The following DDHD1 variants were observed in gnomAD, a reference collection of about 807,000 sequenced individuals.
DDHD1 encodes the protein DDHD domain containing 1, also known as phospholipase DDHD1.
A neutral mutation model predicts 96.4 loss-of-function variants in DDHD1; 49 were observed. That is an observed-to-expected ratio of 0.51 (90% CI 0.40 to 0.64). The LOEUF is 0.64. DDHD1 is among the 30% of genes least tolerant of loss of function. DDHD1 has a pLI of 0.00. For synonymous variants in DDHD1, 442 were observed against 446.5 expected, an observed-to-expected ratio of 0.99 and a Z score of 0.13; for missense variants, 1,106 against 1,161.2, an observed-to-expected ratio of 0.95 and a Z score of 0.69.
At chr14:53,130,874 T>C (rs187717908) in intron 1 of DDHD1, among the ~76,000 whole-genome samples, 42 of 152,346 alleles carry the variant, frequency 2.8e-4, no homozygotes, top group Non-Finnish European at 8.8e-5. Flanking sequence ...AATCTGACGC[T>C]GCCTGATCTC....
rs1415743111 is a variant in DDHD1, at chr14:53,093,223, T to C, written c.1141+93A>G. 8.2e-6 allele frequency: 11 copies of C among 1,337,964 alleles called. No homozygotes were observed. In the South Asian group the frequency reaches 1.2e-4, roughly 14 times the overall value. The allele number at this position is 1,337,964 out of a possible 1,614,324, so 82.9% of individuals were successfully genotyped here. A position where few individuals can be genotyped will look rare whatever the true frequency, so the allele number is the denominator to read the frequency against. On this transcript the variant is annotated intron_variant, in intron 3 of 12. Transcript: ENST00000673822. ...CACTAAATTTAATATACTTAAAACATACTAAAAACAGAATATGAATTGTCT... is the reference window on the plus strand; with the variant it reads ...CACTAAATTTAATATACTTAAAACACACTAAAAACAGAATATGAATTGTCT...
intron 1 of DDHD1, among the ~76,000 whole-genome samples, chr14:53,135,819 A>G (rs1389927853): frequency 6.6e-6 from 1 of 152,248 alleles, no homozygotes; most frequent in Non-Finnish European, 1.5e-5. Flanking sequence ...CAGACAAAAT[A>G]TATGTAACAA....
intron 1 of DDHD1, among the ~76,000 whole-genome samples, chr14:53,112,776 T>G (rs1349334178): frequency 1.3e-5 from 2 of 152,166 alleles, no homozygotes; most frequent in Non-Finnish European, 2.9e-5. Context: ...GCCTACACAT[T>G]CTTTATTATT....
At chr14:53,135,024 T>C (rs1191001293) in intron 1 of DDHD1, among the ~76,000 whole-genome samples, 1 of 152,126 alleles carries the variant, frequency 6.6e-6, no homozygotes, top group African/African-American at 2.4e-5. Context: ...TGAGAAACAT[T>C]GCCCATGATC....
Position 53,040,852 on chromosome 14 carries a change from G to C in DDHD1, c.*5916C>G, listed in dbSNP as rs1455738860. The C allele has an allele frequency of 6.6e-6, 1 of 152,094 alleles. No homozygotes were observed. Among genetic ancestry groups the C allele is most frequent in the African/African-American group, 2.4e-5 (1 of 41,426 alleles). The allele number at this position is 152,094 out of a possible 1,614,324, so 9.4% of individuals were successfully genotyped here. ...AGAGAGTGAACATAAGAAGTCATAG[G>C]AGCTGAAAGAAAGGAAACAAGGGTC... On this transcript the variant is annotated 3_prime_UTR_variant, in exon 13 of 13. Coordinates refer to ENST00000673822, the MANE Select transcript of DDHD1 (RefSeq NM_001160148.2).
intron 4 of DDHD1, 150 bp from the exon 5 acceptor site, chr14:53,073,997 A>C: frequency 1.6e-6 from 1 of 607,390 alleles, no homozygotes; most frequent in Non-Finnish European, 2.7e-6. Flanking sequence ...CACACTAAAC[A>C]AGTCTGCAAT....
At chr14:53,113,923 C>T (rs1467376083) in intron 1 of DDHD1, among the ~76,000 whole-genome samples, 1 of 152,214 alleles carries the variant, frequency 6.6e-6, no homozygotes, top group Non-Finnish European at 1.5e-5. Flanking sequence ...AGTGGTCTCG[C>T]TCAGTGGGTC....
chr14:53,111,604 G>A (rs991494282), intron 1 of DDHD1, among the ~76,000 whole-genome samples: 1 of 151,858 alleles, frequency 6.6e-6, no homozygotes, highest in African/African-American at 2.4e-5. Flanking sequence ...AGGTATCTTG[G>A]TGTTTTGGTA....
At chr14:53,130,119 G>A (rs1358078848) in intron 1 of DDHD1, among the ~76,000 whole-genome samples, 3 of 151,932 alleles carry the variant, frequency 2.0e-5, no homozygotes, top group Non-Finnish European at 4.4e-5. Context: ...GCCAGGCTGA[G>A]CCAGGTCCCA....
chr14:53,044,141 GCA>G lies in DDHD1; in HGVS notation c.*2625_*2626del, dbSNP rs1881851662. On this transcript the variant is annotated 3_prime_UTR_variant, in exon 13 of 13. Transcript: ENST00000673822. ...ATACAAATACATCCAATGTTAACAT[GCA>G]CAGACATAGAAACAAGGATACTACA... The G allele has an allele frequency of 6.6e-6, 1 of 152,110 alleles. No individual in the cohort carries two copies. The highest frequency in any genetic ancestry group is 1.5e-5 in the Non-Finnish European group (1 of 68,020). 9.4% of individuals were successfully genotyped at this position (152,110 alleles called of 1,614,324 possible). A position where few individuals can be genotyped will look rare whatever the true frequency, so the allele number is the denominator to read the frequency against.
intron 1 of DDHD1, 132 bp downstream of exon 1, chr14:53,152,129 C>A: frequency 2.4e-5 from 22 of 912,064 alleles, no homozygotes; most frequent in Admixed American, 2.1e-4. Flanking sequence ...TGCTCAATCT[C>A]CATCCTGCCC....
intron 1 of DDHD1, among the ~76,000 whole-genome samples, chr14:53,143,173 G>C (rs1248884664): frequency 6.6e-6 from 1 of 152,214 alleles, no homozygotes; most frequent in African/African-American, 2.4e-5. Context: ...GTACAGCAGA[G>C]CTGGGATTTG....
intron 1 of DDHD1, among the ~76,000 whole-genome samples, chr14:53,138,499 T>G (rs183373905): frequency 3.9e-5 from 6 of 152,330 alleles, no homozygotes; most frequent in Admixed American, 3.9e-4. Context: ...TTATAACAAA[T>G]AGTAATGAAA....
chr14:53,140,235 T>C (rs1890547682), intron 1 of DDHD1, among the ~76,000 whole-genome samples: 1 of 152,096 alleles, frequency 6.6e-6, no homozygotes, highest in Non-Finnish European at 1.5e-5. Context: ...GTAATTGAAA[T>C]TCAAAAAGCT....
Position 53,039,124 on chromosome 14 carries a change from G to C in DDHD1, c.*7644C>G, listed in dbSNP as rs1881467235. The C allele has an allele frequency of 6.6e-6, 1 of 152,200 alleles. No individual in the cohort carries two copies. The allele number at this position is 152,200 out of a possible 1,614,324, so 9.4% of individuals were successfully genotyped here. A position where few individuals can be genotyped will look rare whatever the true frequency, so the allele number is the denominator to read the frequency against. ...CTCAGAATAGTGTAAGCAAATAAAA[G>C]TACAACTGATCTGGAGGTGATACTT... On this transcript the variant is annotated 3_prime_UTR_variant, in exon 13 of 13. Transcript: ENST00000673822.
intron 10 of DDHD1, among the ~76,000 whole-genome samples, chr14:53,054,955 G>A (rs192671846): frequency 1.6e-3 from 244 of 152,290 alleles, no homozygotes; most frequent in Non-Finnish European, 2.3e-3. Flanking sequence ...CCATTGACAT[G>A]AGTATAGATT....
At position 53,086,952 on chromosome 14, in the gene DDHD1, T is replaced by G. The variant is rs1399820901; in HGVS notation, c.1289+4833A>C. Among the ~76,000 whole-genome samples the G allele has an allele frequency of 1.2e-4, 11 of 92,596 alleles. No individual in the cohort carries two copies. In the East Asian group the frequency reaches 3.6e-3, roughly 31 times the overall value. The allele number at this position is 92,596 out of a possible 152,430, so 60.7% of individuals were successfully genotyped here. On this transcript the variant is annotated intron_variant, in intron 4 of 12. Transcript: ENST00000673822. ...CCCAAAATAAAGGGGTGGAGGAAGC[T>G]CAACCAAGCAAATGAAAAGCAAAAA... is the stretch of plus-strand genomic sequence containing the variant.
At chr14:53,099,562 G>C (rs1374944828) in intron 2 of DDHD1, among the ~76,000 whole-genome samples, 5 of 152,174 alleles carry the variant, frequency 3.3e-5, no homozygotes, top group Admixed American at 3.3e-4. Flanking sequence ...TGGGCAGAGT[G>C]ATGTGCTGCA....
rs1367058361 is a variant in DDHD1 at position 53,044,182 on chromosome 14, C to G, written c.*2586G>C. The G allele has an allele frequency of 6.6e-6, 1 of 152,078 alleles. No homozygotes were observed. The highest frequency in any genetic ancestry group is 1.9e-4 in the East Asian group (1 of 5,190). The allele number at this position is 152,078 out of a possible 1,614,324, so 9.4% of individuals were successfully genotyped here. A position where few individuals can be genotyped will look rare whatever the true frequency, so the allele number is the denominator to read the frequency against. On this transcript the variant is annotated 3_prime_UTR_variant, in exon 13 of 13. Coordinates refer to ENST00000673822, the MANE Select transcript of DDHD1 (RefSeq NM_001160148.2). ...AAGGATACTACAAAACCGAAATCAC[C>G]ATCTCTACTGATGAAAAATGAACTG... is the stretch of plus-strand genomic sequence containing the variant.
Sources: allele counts gnomAD v4.1 joint callset (sites outside exome capture counted in the v4.1 genomes callset), GRCh38; gene constraint gnomAD v4.1.1; transcripts MANE v1.5; gene names NCBI Gene and HGNC (gene_info 2026-07-23, HGNC 2026-07-21).